FIG4: variants seen among roughly 807,000 people sequenced by gnomAD.
FIG4 encodes the protein polyphosphoinositide phosphatase.
FIG4 carries 112 observed loss-of-function variants against 118.6 expected under a neutral mutation model. The observed-to-expected ratio is 0.94, with a 90% CI of 0.81 to 1.11. The LOEUF (loss-of-function observed/expected upper bound fraction) is 1.11. Ranked by LOEUF, FIG4 falls within the 50% of genes least tolerant of loss-of-function variation. The probability of loss-of-function intolerance (pLI) is 0.00; values close to 1 mark genes in which losing one functional copy is unlikely to be tolerated. For synonymous variants in FIG4, 369 were observed against 381.2 expected (o/e 0.97, Z 0.37); for missense variants, 969 against 1,111.7 (o/e 0.87, Z 1.83).
chr6:109,735,746 C>A (rs1405025162), intron 6 of FIG4, among the ~76,000 whole-genome samples: 1 of 152,046 alleles, frequency 6.6e-6, no homozygotes, highest in African/African-American at 2.4e-5. Flanking sequence ...CTCTAATCCT[C>A]ATAAAAACTC....
chr6:109,754,354 G>A (rs1776811164), intron 10 of FIG4, among the ~76,000 whole-genome samples: 1 of 152,220 alleles, frequency 6.6e-6, no homozygotes, highest in Non-Finnish European at 1.5e-5. Context: ...GTATTTTATT[G>A]AGGATTTTTG....
exon 23 of FIG4, chr6:109,825,423 ATAATTTGCTG>A (rs551627078): frequency 7.0e-5 from 48 of 683,678 alleles, no homozygotes; most frequent in Middle Eastern, 3.9e-4. Flanking sequence ...AGATGACTAG[ATAATTTGCTG>A]TTGTTGCCTT....
At chr6:109,800,269 T>G (rs963243719) in intron 22 of FIG4, among the ~76,000 whole-genome samples, 1 of 152,194 alleles carries the variant, frequency 6.6e-6, no homozygotes, top group Non-Finnish European at 1.5e-5. Context: ...TTAACAGACC[T>G]CATTTTGGGC....
At chr6:109,709,768 T>C (rs1348083230) in intron 1 of FIG4, among the ~76,000 whole-genome samples, 1 of 152,146 alleles carries the variant, frequency 6.6e-6, no homozygotes, top group African/African-American at 2.4e-5. Context: ...GTTTGACTGT[T>C]GTTGGTGTAT....
At chr6:109,719,450 C>T (rs891292922) in intron 3 of FIG4, among the ~76,000 whole-genome samples, 1 of 151,810 alleles carries the variant, frequency 6.6e-6, no homozygotes. Flanking sequence ...AGTGGCCAGT[C>T]ATAGCTCGCT....
chr6:109,730,749 A>G (rs1411433486), intron 4 of FIG4, among the ~76,000 whole-genome samples: 1 of 152,206 alleles, frequency 6.6e-6, no homozygotes, highest in Non-Finnish European at 1.5e-5. Flanking sequence ...ATTCTCTGAT[A>G]ATATTCAGGA....
chr6:109,821,362 A>C (rs769230234), intron 22 of FIG4, among the ~76,000 whole-genome samples: 1 of 152,386 alleles, frequency 6.6e-6, no homozygotes, highest in East Asian at 1.9e-4. Context: ...CTAATTTTGC[A>C]CAATAAGCAA....
At chr6:109,807,725 G>T (rs1262647663) in intron 22 of FIG4, among the ~76,000 whole-genome samples, 3 of 152,102 alleles carry the variant, frequency 2.0e-5, no homozygotes, top group African/African-American at 4.8e-5. Context: ...TTCTTCTAGG[G>T]TTTTTATGGT....
chr6:109,761,435 GAGTGC>G (rs1777102096), intron 11 of FIG4, among the ~76,000 whole-genome samples: 1 of 152,084 alleles, frequency 6.6e-6, no homozygotes, highest in South Asian at 2.1e-4. Context: ...GCCCAGGCTG[GAGTGC>G]AGTGGCGCAA....
chr6:109,770,515 A>G (rs1323768821), intron 15 of FIG4, among the ~76,000 whole-genome samples: 2 of 152,146 alleles, frequency 1.3e-5, no homozygotes, highest in African/African-American at 4.8e-5. Context: ...TTGCGTTGCT[A>G]TAAAGAAATA....
At position 109,825,079 on chromosome 6, in the gene FIG4, CTT is replaced by C; in HGVS notation, c.2547-6_2547-5del. 1 of 1,612,728 alleles carries C rather than the reference CTT, an allele frequency of 6.2e-7. No individual in the cohort carries two copies. Among genetic ancestry groups the C allele is most frequent in the Non-Finnish European group, 8.5e-7 (1 of 1,178,734 alleles). On this transcript the variant is annotated splice_polypyrimidine_tract_variant and splice_region_variant and intron_variant, in intron 22 of 22. Coordinates refer to ENST00000230124, the MANE Select transcript of FIG4 (RefSeq NM_014845.6). ...TTAATGCAGCCCTCTCTTTATTCAT[CTT>C]TTATAGAACACCCATCTCGGCTTTC...
rs1438672931 is a variant in FIG4 at position 109,825,225 on chromosome 6, C to A, written c.2684C>A (p.Ser895Tyr). ...GIMQPLGKED[S>Y]SMYREYIRNR... ...ATGCAGCCCCTAGGAAAAGAGGACTCCTCCATGTACCGAGAGTACATCAGG... is the reference window on the plus strand; with the variant it reads ...ATGCAGCCCCTAGGAAAAGAGGACTACTCCATGTACCGAGAGTACATCAGG... The change falls in exon 23 of 23, where the codon TCC becomes TAC. Residue 895 changes from serine to tyrosine, a missense_variant. Physicochemically the swap from Ser to Tyr is moderately radical, Grantham distance 144 (BLOSUM62 -2). Transcript: ENST00000230124. The A allele has an allele frequency of 6.2e-7, 1 of 1,614,088 alleles. No individual in the cohort carries two copies. The highest frequency in any genetic ancestry group is 1.7e-5 in the Admixed American group (1 of 60,016).
intron 10 of FIG4, among the ~76,000 whole-genome samples, chr6:109,757,270 G>C (rs1435232529): frequency 6.6e-6 from 1 of 152,078 alleles, no homozygotes; most frequent in Non-Finnish European, 1.5e-5. Context: ...CTTCCACTAT[G>C]ATCAAGTCAG....
chr6:109,782,542 C>T (rs1777836409), intron 16 of FIG4, among the ~76,000 whole-genome samples: 1 of 152,164 alleles, frequency 6.6e-6, no homozygotes, highest in African/African-American at 2.4e-5. Context: ...TGAGTTAAAA[C>T]ACATTTTTTG....
At chr6:109,797,219 A>G (rs144573205) in intron 22 of FIG4, among the ~76,000 whole-genome samples, 1 of 152,344 alleles carries the variant, frequency 6.6e-6, no homozygotes, top group East Asian at 1.9e-4. Context: ...CTAGCTGTAT[A>G]TCCCCATCAG....
intron 1 of FIG4, among the ~76,000 whole-genome samples, chr6:109,714,283 G>A (rs1775360746): frequency 6.6e-6 from 1 of 152,118 alleles, no homozygotes; most frequent in Non-Finnish European, 1.5e-5. Flanking sequence ...CCCATGCAGG[G>A]TTCCCAGCTT....
chr6:109,812,623 T>G lies in FIG4; in HGVS notation c.2547-12465T>G, dbSNP rs375152754. Among the ~76,000 whole-genome samples, 4 of 152,270 alleles carry G rather than the reference T, an allele frequency of 2.6e-5. No homozygotes were observed. In the East Asian group the frequency reaches 5.8e-4, roughly 22 times the overall value. On this transcript the variant is annotated intron_variant, in intron 22 of 22. Coordinates refer to ENST00000230124, the MANE Select transcript of FIG4 (RefSeq NM_014845.6). ...TGAATACAGAAAAATGATTATTGGT[T>G]TAGGCAACAGGAAGGTTATTAATGA... is the stretch of plus-strand genomic sequence containing the variant.
At chr6:109,752,152 T>C (rs1474205165) in intron 10 of FIG4, among the ~76,000 whole-genome samples, 1 of 152,018 alleles carries the variant, frequency 6.6e-6, no homozygotes, top group East Asian at 1.9e-4. Flanking sequence ...TCCATGCCCC[T>C]ACAAAGGACA....
intron 1 of FIG4, among the ~76,000 whole-genome samples, chr6:109,710,628 G>T (rs755171745): frequency 1.3e-5 from 2 of 151,976 alleles, no homozygotes; most frequent in Non-Finnish European, 2.9e-5. Flanking sequence ...TTTGCTTGTA[G>T]GCTATTTATT....
Sources: allele counts gnomAD v4.1 joint callset (sites outside exome capture counted in the v4.1 genomes callset), GRCh38; gene constraint gnomAD v4.1.1; transcripts MANE v1.5; gene names NCBI Gene and HGNC (gene_info 2026-07-23, HGNC 2026-07-21).